Variants in IDNK observed in about 807,000 individuals in gnomAD.
IDNK encodes IDNK gluconokinase.
IDNK carries 9 observed loss-of-function variants against 13.0 expected under a neutral mutation model. That is an observed-to-expected ratio of 0.69 (90% CI 0.42 to 1.21). IDNK has a LOEUF of 1.21. IDNK is among the 50% of genes most tolerant of loss of function. The pLI is 0.00. For missense variants in IDNK, 210 were observed against 237.8 expected (o/e 0.88, Z 0.77); for synonymous variants, 92 against 94.9 (o/e 0.97, Z 0.18).
chr9:83,628,921 C>G lies in IDNK; in HGVS notation c.130C>G (p.Arg44Gly). 6.2e-7 allele frequency: 1 copy of G among 1,614,038 alleles called. No homozygotes were observed. The highest frequency in any genetic ancestry group is 8.5e-7 in the Non-Finnish European group (1 of 1,179,946). Residue 44 changes from arginine to glycine, a missense_variant, in exon 3 of 5, where the codon CGA (arginine) becomes GGA (glycine). Arg to Gly is a moderately radical substitution (Grantham distance 125). Transcript: ENST00000376419. ...TGATGATTATCACCCGGAGGAAAAT[C>G]GAAGGAAGATGGGAAAAGGCATACC... is the stretch of plus-strand genomic sequence containing the variant. ...DADDYHPEENRRKMGKGIPLN... is the reference protein window; with the variant it reads ...DADDYHPEENGRKMGKGIPLN...
intron 3 of IDNK, among the ~76,000 whole-genome samples, chr9:83,631,092 A>G (rs768864352): frequency 3.9e-5 from 6 of 152,144 alleles, no homozygotes; most frequent in Admixed American, 6.5e-5. Flanking sequence ...GCTGGCACCA[A>G]TACAGCTCCT....
intron 3 of IDNK, among the ~76,000 whole-genome samples, chr9:83,637,221 T>C (rs1297877122): frequency 2.0e-5 from 3 of 152,254 alleles, no homozygotes; most frequent in African/African-American, 4.8e-5. Context: ...TCTGGTTAAA[T>C]AGTGTGTGCA....
Position 83,638,719 on chromosome 9 carries a change from A to C in IDNK, c.169-2829A>C, listed in dbSNP as rs530686746. On this transcript the variant is annotated intron_variant, in intron 3 of 4. Coordinates refer to ENST00000376419, the MANE Select transcript of IDNK (RefSeq NM_001001551.4). ...GAGACTTCTCAACAATAAAGGCCCA[A>C]ACAAAATGAAATAATTATTCAAACT... Among the ~76,000 whole-genome samples, 21 of 152,318 alleles carry C rather than the reference A, an allele frequency of 1.4e-4. No homozygotes were observed. The South Asian group carries it at 4.3e-3, about 32-fold the overall frequency.
chr9:83,632,826 G>C (rs1831059828), intron 3 of IDNK, among the ~76,000 whole-genome samples: 1 of 152,106 alleles, frequency 6.6e-6, no homozygotes, highest in Non-Finnish European at 1.5e-5. Context: ...GGAAGGCATA[G>C]AGCTCAGTGA....
chr9:83,628,848 A>G (rs775315557), intron 2 of IDNK, 25 bp from the exon 3 acceptor site: 2 of 1,559,912 alleles, frequency 1.3e-6, no homozygotes, highest in East Asian at 2.2e-5. Flanking sequence ...CCTGCCACAT[A>G]CACCCTTTCA....
intron 1 of IDNK, 68 bp downstream of exon 1, chr9:83,623,289 C>T (rs968496828): frequency 1.5e-6 from 2 of 1,302,148 alleles, no homozygotes; most frequent in Non-Finnish European, 2.0e-6. Context: ...CCGGACGCGT[C>T]GCCGTCCCTG....
chr9:83,623,385 GC>G, intron 1 of IDNK, 164 bp downstream of exon 1: 1 of 663,540 alleles, frequency 1.5e-6, no homozygotes. Context: ...CCCTCTCCCC[GC>G]CCTCCAGCCT....
At chr9:83,641,104 A>G (rs964418015) in intron 3 of IDNK, among the ~76,000 whole-genome samples, 1 of 152,302 alleles carries the variant, frequency 6.6e-6, no homozygotes, top group African/African-American at 2.4e-5. Flanking sequence ...TAAATTTCTT[A>G]AAATAATTTT....
intron 3 of IDNK, among the ~76,000 whole-genome samples, chr9:83,633,394 C>G (rs1255226722): frequency 6.6e-6 from 1 of 152,152 alleles, no homozygotes; most frequent in African/African-American, 2.4e-5. Context: ...TATCATAGCC[C>G]TTCTTAGTAT....
intron 3 of IDNK, among the ~76,000 whole-genome samples, chr9:83,631,195 G>A (rs900815502): frequency 1.3e-5 from 2 of 151,722 alleles, no homozygotes; most frequent in Non-Finnish European, 2.9e-5. Flanking sequence ...AAGCGTGTCC[G>A]TGTCCAAGTC....
chr9:83,623,258 G>A (rs1473384834), intron 1 of IDNK, 37 bp downstream of exon 1: 1 of 1,376,914 alleles, frequency 7.3e-7, no homozygotes, highest in African/African-American at 1.5e-5. Flanking sequence ...CCCGGGACAA[G>A]TGTTGCGGGC....
intron 3 of IDNK, among the ~76,000 whole-genome samples, chr9:83,635,173 A>G (rs1376516131): frequency 6.6e-6 from 1 of 152,148 alleles, no homozygotes; most frequent in Admixed American, 6.5e-5. Flanking sequence ...CCCCCTTGAT[A>G]TTGTCAACAC....
intron 3 of IDNK, among the ~76,000 whole-genome samples, chr9:83,631,493 T>A (rs937967288): frequency 2.2e-5 from 3 of 138,458 alleles, no homozygotes; most frequent in Non-Finnish European, 4.5e-5. Context: ...ATGCCTGTAG[T>A]CCCAGCTACT....
At chr9:83,627,481 G>T (rs1830886152) in intron 1 of IDNK, among the ~76,000 whole-genome samples, 1 of 152,094 alleles carries the variant, frequency 6.6e-6, no homozygotes, top group Non-Finnish European at 1.5e-5. Context: ...AGGTTTAAAG[G>T]AACAGGTGAC....
In IDNK at chr9:83,627,853, CAAAAA is replaced by C. The variant is rs149062579; in HGVS notation, c.51-307_51-303del. Among the ~76,000 whole-genome samples, 194 of 73,946 alleles carry C rather than the reference CAAAAA, an allele frequency of 2.6e-3. 1 individual carries two copies. Among genetic ancestry groups the C allele is most frequent in the African/African-American group, 9.3e-3 (181 of 19,480 alleles). 48.5% of individuals were successfully genotyped at this position (73,946 alleles called of 152,430 possible). On this transcript the variant is annotated intron_variant, in intron 1 of 4. Transcript: ENST00000376419. The stretch of plus-strand genomic sequence containing the variant: ...CACTATGAATTCAACATCCCCACCA[CAAAAA>C]AAAAAAAAAAAAAAAAAAAATTACA...
rs1019718345 is a variant in IDNK, at chr9:83,640,059, CCTGT to C, written c.169-1486_169-1483del. 1.4e-4 allele frequency among the ~76,000 whole-genome samples: 21 copies of C among 152,204 alleles called. No homozygotes were observed. In the East Asian group the frequency reaches 4.1e-3, roughly 29 times the overall value. On this transcript the variant is annotated intron_variant, in intron 3 of 4. Coordinates refer to ENST00000376419, the MANE Select transcript of IDNK (RefSeq NM_001001551.4). ...TGGGAAGGGCAGGGATGGTGGCTCA[CCTGT>C]CTAAGTGTGGTCTCTTCCTGCCATC...
rs1446208929 is a variant in IDNK, at chr9:83,628,220, C to A, written c.81+9C>A. 2 of 1,548,088 alleles carry A rather than the reference C, an allele frequency of 1.3e-6. No homozygotes were observed. Among genetic ancestry groups the A allele is most frequent in the Non-Finnish European group, 1.7e-6 (2 of 1,144,686 alleles). On this transcript the variant is annotated intron_variant, in intron 2 of 4. Coordinates refer to ENST00000376419, the MANE Select transcript of IDNK (RefSeq NM_001001551.4). ...CCCTGCTGGCATCTGAGGTTAGTAACCTGTCCTAATGCCTTCCGAGTGCTT... is the reference window on the plus strand; with the variant it reads ...CCCTGCTGGCATCTGAGGTTAGTAAACTGTCCTAATGCCTTCCGAGTGCTT...
rs1216648971 is a variant in IDNK, at chr9:83,623,176, C to T, written c.5C>T (p.Ala2Val). The T allele has an allele frequency of 7.1e-6, 10 of 1,415,184 alleles. No individual in the cohort carries two copies. Among genetic ancestry groups the T allele is most frequent in the Non-Finnish European group, 9.2e-6 (10 of 1,089,906 alleles). The allele number at this position is 1,415,184 out of a possible 1,614,324, so 87.7% of individuals were successfully genotyped here. The part of the protein sequence containing the change: M[A>V]APGALLVMGV... ...GGAAGGAGCCGAGCTTGGGTTATGGCGGCGCCGGGCGCGCTGCTGGTGATG... is the reference window on the plus strand; with the variant it reads ...GGAAGGAGCCGAGCTTGGGTTATGGTGGCGCCGGGCGCGCTGCTGGTGATG... Residue 2 changes from alanine to valine, a missense_variant, in exon 1 of 5, where the codon GCG (alanine) becomes GTG (valine). Ala to Val is a moderately conservative substitution (Grantham distance 64). Transcript: ENST00000376419.
intron 3 of IDNK, among the ~76,000 whole-genome samples, chr9:83,637,591 G>C (rs990098660): frequency 2.0e-5 from 3 of 152,206 alleles, no homozygotes; most frequent in African/African-American, 7.2e-5. Flanking sequence ...AATGGCCAAA[G>C]TCCAAAGCAA....
Sources: allele counts gnomAD v4.1 joint callset (sites outside exome capture counted in the v4.1 genomes callset), GRCh38; gene constraint gnomAD v4.1.1; transcripts MANE v1.5; gene names NCBI Gene and HGNC (gene_info 2026-07-23, HGNC 2026-07-21).